EXOC4: variants seen among roughly 807,000 people sequenced by gnomAD.
EXOC4 encodes exocyst complex component 4.
Under a neutral mutation model 107.2 loss-of-function variants are expected in EXOC4, and 71 were observed. The observed-to-expected ratio is 0.66, with a 90% CI of 0.55 to 0.81. The LOEUF is 0.81. Ranked by LOEUF, EXOC4 falls within the 30% of genes least tolerant of loss-of-function variation. EXOC4 has a pLI of 0.00. For synonymous variants in EXOC4, 456 were observed against 441.2 expected, an observed-to-expected ratio of 1.03 and a Z score of -0.42; for missense variants, 1,108 against 1,189.6, an observed-to-expected ratio of 0.93 and a Z score of 1.01.
chr7:133,909,840 T>C (rs1799649764), intron 12 of EXOC4, among the ~76,000 whole-genome samples: 1 of 151,996 alleles, frequency 6.6e-6, no homozygotes, highest in African/African-American at 2.4e-5. Context: ...CTTATAAAGA[T>C]CTTAATGATA....
chr7:133,744,135 CA>C (rs113003258), intron 10 of EXOC4, among the ~76,000 whole-genome samples: 1,559 of 130,178 alleles, frequency 0.012, 21 homozygotes, highest in African/African-American at 0.032. Flanking sequence ...TTCCTGGAGG[CA>C]AAAAAAAAAA....
intron 10 of EXOC4, among the ~76,000 whole-genome samples, chr7:133,791,246 C>T (rs879555008): frequency 5.3e-5 from 8 of 152,118 alleles, no homozygotes; most frequent in East Asian, 3.9e-4. Flanking sequence ...ATAGGGTTTA[C>T]GAGTTATTTT....
intron 17 of EXOC4, among the ~76,000 whole-genome samples, chr7:134,051,401 T>C (rs1267363754): frequency 2.0e-5 from 3 of 152,144 alleles, no homozygotes; most frequent in African/African-American, 2.4e-5. Flanking sequence ...GGCCAGGCAC[T>C]GTGGCTCATG....
At chr7:133,495,246 G>T (rs372824017) in intron 9 of EXOC4, among the ~76,000 whole-genome samples, 2 of 151,324 alleles carry the variant, frequency 1.3e-5, no homozygotes, top group East Asian at 3.9e-4. Flanking sequence ...GAGCGAAACT[G>T]TCTCCAATAA....
intron 10 of EXOC4, among the ~76,000 whole-genome samples, chr7:133,682,613 C>G (rs1562905829): frequency 6.6e-6 from 1 of 152,172 alleles, no homozygotes; most frequent in Non-Finnish European, 1.5e-5. Flanking sequence ...CAGGTTTATA[C>G]CATTAAGTTT....
chr7:133,824,323 C>T (rs1474778894), intron 11 of EXOC4, among the ~76,000 whole-genome samples: 1 of 152,000 alleles, frequency 6.6e-6, no homozygotes, highest in East Asian at 2.0e-4. Context: ...TGCGCCCCAA[C>T]CCCTGCCCTC....
intron 17 of EXOC4, among the ~76,000 whole-genome samples, chr7:134,030,230 C>T (rs994591298): frequency 1.3e-5 from 2 of 152,142 alleles, no homozygotes; most frequent in Non-Finnish European, 1.5e-5. Flanking sequence ...TAGGTATATA[C>T]CCAAGAGAAA....
intron 7 of EXOC4, among the ~76,000 whole-genome samples, chr7:133,404,817 A>G (rs1252332004): frequency 6.6e-6 from 1 of 151,452 alleles, no homozygotes; most frequent in African/African-American, 2.4e-5. Flanking sequence ...CTTGAAGGCC[A>G]GGAATTCAAG....
intron 17 of EXOC4, among the ~76,000 whole-genome samples, chr7:134,043,599 G>A (rs1369360400): frequency 6.6e-6 from 1 of 150,396 alleles, no homozygotes; most frequent in African/African-American, 2.4e-5. Context: ...GGTGCATTCA[G>A]GGTCCTCCAG....
intron 9 of EXOC4, among the ~76,000 whole-genome samples, chr7:133,615,796 AT>A: frequency 6.6e-6 from 1 of 152,292 alleles, no homozygotes; most frequent in East Asian, 1.9e-4. Context: ...CGACAAGTAC[AT>A]TTTAATAAAA....
intron 17 of EXOC4, among the ~76,000 whole-genome samples, chr7:134,029,241 A>G (rs1358861982): frequency 6.6e-6 from 1 of 152,184 alleles, no homozygotes; most frequent in Non-Finnish European, 1.5e-5. Flanking sequence ...TATAACTTTT[A>G]TAACTTTTGC....
the EXOC4 span, among the ~76,000 whole-genome samples, chr7:134,094,571 A>G: frequency 3.9e-5 from 6 of 152,260 alleles, no homozygotes; most frequent in Non-Finnish European, 8.8e-5. Flanking sequence ...CTGTGAATCC[A>G]GCATCAGTAT....
chr7:133,573,506 G>A (rs1801067134), intron 9 of EXOC4, among the ~76,000 whole-genome samples: 1 of 152,156 alleles, frequency 6.6e-6, no homozygotes, highest in African/African-American at 2.4e-5. Context: ...ATCACCAGAG[G>A]CAGCTTCTGT....
At chr7:133,565,772 G>T (rs1259214133) in intron 9 of EXOC4, among the ~76,000 whole-genome samples, 1 of 152,152 alleles carries the variant, frequency 6.6e-6, no homozygotes, top group Non-Finnish European at 1.5e-5. Flanking sequence ...CTGGAAAACT[G>T]AGTCTAGGGT....
At chr7:133,837,658 T>C (rs1770602367) in intron 11 of EXOC4, among the ~76,000 whole-genome samples, 4 of 152,212 alleles carry the variant, frequency 2.6e-5, no homozygotes, top group African/African-American at 9.7e-5. Context: ...TTCAGATTAT[T>C]GCCTGACATC....
chr7:134,022,395 A>G (rs1397761466), intron 17 of EXOC4, among the ~76,000 whole-genome samples: 2 of 152,154 alleles, frequency 1.3e-5, no homozygotes, highest in East Asian at 3.8e-4. Flanking sequence ...ATTGGCTATC[A>G]GCTATTTGCC....
chr7:134,088,998 C>T, the EXOC4 span, among the ~76,000 whole-genome samples: 1 of 152,088 alleles, frequency 6.6e-6, no homozygotes, highest in African/African-American at 2.4e-5. Context: ...CAATCTTAAA[C>T]CATTTGACCA....
At chr7:133,794,547 G>A (rs1796773626) in intron 10 of EXOC4, among the ~76,000 whole-genome samples, 1 of 152,126 alleles carries the variant, frequency 6.6e-6, no homozygotes, top group African/African-American at 2.4e-5. Flanking sequence ...TTAGTTACTA[G>A]GCTATTCCAT....
intron 11 of EXOC4, among the ~76,000 whole-genome samples, chr7:133,840,586 G>A (rs1391909262): frequency 2.6e-5 from 4 of 151,888 alleles, no homozygotes; most frequent in East Asian, 1.9e-4. Flanking sequence ...CTCACTGCAC[G>A]ATTCTCCTGC....
Sources: allele counts gnomAD v4.1 joint callset (sites outside exome capture counted in the v4.1 genomes callset), GRCh38; gene constraint gnomAD v4.1.1; transcripts MANE v1.5; gene names NCBI Gene and HGNC (gene_info 2026-07-23, HGNC 2026-07-21).